The following TXNDC5 variants were observed in gnomAD, a reference collection of about 807,000 sequenced individuals.
The protein encoded by TXNDC5 is thioredoxin domain-containing protein 5.
Under a neutral mutation model 52.6 loss-of-function variants are expected in TXNDC5, and 44 were observed. That is an observed-to-expected ratio of 0.84 (90% CI 0.66 to 1.08). TXNDC5 has a LOEUF of 1.08. TXNDC5 is among the 50% of genes least tolerant of loss of function. The probability of loss-of-function intolerance (pLI) is 0.00; values close to 1 mark genes in which losing one functional copy is unlikely to be tolerated. For missense variants in TXNDC5, 600 were observed against 565.5 expected (o/e 1.06, Z -0.62); for synonymous variants, 241 against 234.4 (o/e 1.03, Z -0.26).
chr6:7,895,336 G>T, intron 3 of TXNDC5, 134 bp from the exon 4 acceptor site: 2 of 743,402 alleles, frequency 2.7e-6, no homozygotes, highest in Non-Finnish European at 4.3e-6. Flanking sequence ...CTTGTACGAT[G>T]CTGCTGTGCT....
At chr6:7,901,554 C>T (rs913685104) in intron 2 of TXNDC5, among the ~76,000 whole-genome samples, 15 of 152,202 alleles carry the variant, frequency 9.9e-5, no homozygotes, top group African/African-American at 3.6e-4. Context: ...GTCTGAGATT[C>T]TTCCTCGGTA....
chr6:7,902,042 G>C (rs114112073), intron 2 of TXNDC5, among the ~76,000 whole-genome samples: 2,441 of 152,252 alleles, frequency 0.016, 56 homozygotes, highest in African/African-American at 0.054. Flanking sequence ...CACACACACA[G>C]AGAGAGAAGG....
chr6:7,895,631 A>G (rs1022742338), intron 3 of TXNDC5, among the ~76,000 whole-genome samples: 3 of 152,240 alleles, frequency 2.0e-5, no homozygotes, highest in African/African-American at 4.8e-5. Flanking sequence ...ACTTGCAGAC[A>G]CCAGAGTGCC....
intron 5 of TXNDC5, among the ~76,000 whole-genome samples, chr6:7,890,125 CTT>C (rs1011092988): frequency 6.6e-6 from 1 of 152,182 alleles, no homozygotes; most frequent in African/African-American, 2.4e-5. Context: ...ATTTTATAAA[CTT>C]AATTTACCAA....
At chr6:7,892,343 C>T (rs1243967072) in intron 4 of TXNDC5, among the ~76,000 whole-genome samples, 1 of 152,246 alleles carries the variant, frequency 6.6e-6, no homozygotes, top group Non-Finnish European at 1.5e-5. Flanking sequence ...ACACAATTAG[C>T]AAAGTCTGGA....
intron 4 of TXNDC5, among the ~76,000 whole-genome samples, chr6:7,892,161 T>C (rs1233032645): frequency 3.9e-5 from 6 of 152,252 alleles, no homozygotes; most frequent in Admixed American, 3.9e-4. Context: ...CTGCCTGTCA[T>C]GGTCGACCAC....
chr6:7,882,764 C>A lies in TXNDC5; in HGVS notation c.*380G>T, dbSNP rs541940577. The A allele has an allele frequency of 7.0e-4, 137 of 196,474 alleles. 1 individual carries two copies. Among genetic ancestry groups the A allele is most frequent in the African/African-American group, 3.0e-3 (129 of 42,916 alleles). 12.2% of individuals were successfully genotyped at this position (196,474 alleles called of 1,614,324 possible). On this transcript the variant is annotated 3_prime_UTR_variant, in exon 10 of 10. Transcript: ENST00000379757. ...AGAACTCGTGGGCAGGTAAACTATG[C>A]TTTGGATGTGCTTTCTTTCACCAAA... is the stretch of plus-strand genomic sequence containing the variant.
In TXNDC5 at chr6:7,882,416, TAA is replaced by T. The variant is rs907795065; in HGVS notation, c.*726_*727del. ...CTGGCTTCGTGTTAACATGAGGAAC[TAA>T]AGACATGTTTCACCCCGTGAGAAAC... On this transcript the variant is annotated 3_prime_UTR_variant, in exon 10 of 10. Transcript: ENST00000379757. The T allele has an allele frequency of 2.6e-5, 4 of 152,228 alleles. No homozygotes were observed. The highest frequency in any genetic ancestry group is 9.7e-5 in the African/African-American group (4 of 41,450). 9.4% of individuals were successfully genotyped at this position (152,228 alleles called of 1,614,324 possible). A position where few individuals can be genotyped will look rare whatever the true frequency, so the allele number is the denominator to read the frequency against.
Position 7,889,530 on chromosome 6 carries a change from A to G in TXNDC5, c.784T>C (p.Tyr262His), listed in dbSNP as rs758167167. 1.2e-6 allele frequency: 2 copies of G among 1,613,796 alleles called. No homozygotes were observed. Among genetic ancestry groups the G allele is most frequent in the Non-Finnish European group, 1.7e-6 (2 of 1,179,670 alleles). ...TCTCGGAACCAGAGAAGAGTGGGAT[A>G]GCCACGAACCTGGTTTCCGGAGCAG... Reference protein sequence around the residue: ...ELCSGNQVRGYPTLLWFRDGK... With the variant: ...ELCSGNQVRGHPTLLWFRDGK... The change falls in exon 6 of 10, where the codon TAT (tyrosine) becomes CAT (histidine). Residue 262 changes from tyrosine (Y) to histidine (H), a missense_variant. Physicochemically the swap from Tyr to His is moderately conservative, Grantham distance 83 (BLOSUM62 2). Transcript: ENST00000379757.
Position 7,882,702 on chromosome 6 carries a change from C to T in TXNDC5, c.*442G>A. 1 of 177,328 alleles carries T rather than the reference C, an allele frequency of 5.6e-6. No individual in the cohort carries two copies. The highest frequency in any genetic ancestry group is 1.4e-4 in the South Asian group (1 of 7,300). 11.0% of individuals were successfully genotyped at this position (177,328 alleles called of 1,614,324 possible). A position where few individuals can be genotyped will look rare whatever the true frequency, so the allele number is the denominator to read the frequency against. ...ATTGAGTCAACTGTGACCTTAAGAT[C>T]AGAGGAACGTCAATACTGCCACAAG... On this transcript the variant is annotated 3_prime_UTR_variant, in exon 10 of 10. Coordinates refer to ENST00000379757, the MANE Select transcript of TXNDC5 (RefSeq NM_030810.5).
In TXNDC5 at chr6:7,910,321, G is replaced by T. The variant is rs1244117480; in HGVS notation, c.263+193C>A. On this transcript the variant is annotated intron_variant, in intron 1 of 9. Transcript: ENST00000379757. ...AGCCCCGAACCCGCAGGGTCCCCGC[G>T]CTCCCGGCCCCGCGCCCCCAGTATT... Among the ~76,000 whole-genome samples the T allele has an allele frequency of 5.4e-5, 8 of 148,508 alleles. No homozygotes were observed. In the East Asian group the frequency reaches 1.4e-3, roughly 26 times the overall value.
chr6:7,904,585 T>A lies in TXNDC5; in HGVS notation c.402A>T (p.Arg134=), dbSNP rs751613004. The A allele has an allele frequency of 6.2e-7, 1 of 1,614,146 alleles. No homozygotes were observed. Among genetic ancestry groups the A allele is most frequent in the South Asian group, 1.1e-5 (1 of 91,088 alleles). Residue 134 remains arginine (R), a synonymous_variant, in exon 2 of 10, where the codon CGA becomes CGT. Transcript: ENST00000379757. The stretch of plus-strand genomic sequence containing the variant: ...TCCTTCCAACTTACGTGGGGTATCC[T>A]CGCACCCCCTGGGCGGAGCACACGT... The part of the protein sequence containing the change: ...HSDVCSAQGV[R]GYPTLKLFKP...
chr6:7,890,757 C>CTAA (rs1760164021), intron 5 of TXNDC5, among the ~76,000 whole-genome samples: 3 of 152,212 alleles, frequency 2.0e-5, no homozygotes, highest in Admixed American at 2.0e-4. Flanking sequence ...CTGCCCCATG[C>CTAA]TAAGCATCAC....
chr6:7,883,053 CACCACTGGGAACCCAGTG>C lies in TXNDC5; in HGVS notation c.*73_*90del, dbSNP rs1759823519. ...TAGTATGTTCTGCTTTCTGAACAGC[CACCACTGGGAACCCAGTG>C]GCCTCTGTGGGACTGAACTCCTAAA... On this transcript the variant is annotated 3_prime_UTR_variant, in exon 10 of 10. Coordinates refer to ENST00000379757, the MANE Select transcript of TXNDC5 (RefSeq NM_030810.5). 1.3e-6 allele frequency: 2 copies of C among 1,556,998 alleles called. No homozygotes were observed. The highest frequency in any genetic ancestry group is 2.3e-5 in the East Asian group (1 of 44,108).
At position 7,889,490 on chromosome 6, in the gene TXNDC5, C is replaced by T. The variant is rs1026012863; in HGVS notation, c.819+5G>A. ...AATTCTCAGTACTAAGAAGTGCAGA[C>T]GTACCTTTTTCCCATCTCGGAACCA... On this transcript the variant is annotated splice_donor_5th_base_variant and intron_variant, in intron 6 of 9. Transcript: ENST00000379757. 9.3e-6 allele frequency: 15 copies of T among 1,612,918 alleles called. No homozygotes were observed. Among genetic ancestry groups the T allele is most frequent in the East Asian group, 2.2e-5 (1 of 44,848 alleles).
chr6:7,881,670 T>C lies in TXNDC5; in HGVS notation c.*1474A>G, dbSNP rs1759745239. The C allele has an allele frequency of 6.6e-6, 1 of 152,172 alleles. No homozygotes were observed. The allele number at this position is 152,172 out of a possible 1,614,324, so 9.4% of individuals were successfully genotyped here. A position where few individuals can be genotyped will look rare whatever the true frequency, so the allele number is the denominator to read the frequency against. ...TGTGCTTCTCTAGGAGGTTGGGTTTTTTTAAAAAAAGAATTATCTGTGAAC... is the reference window on the plus strand; with the variant it reads ...TGTGCTTCTCTAGGAGGTTGGGTTTCTTTAAAAAAAGAATTATCTGTGAAC... On this transcript the variant is annotated 3_prime_UTR_variant, in exon 10 of 10. Transcript: ENST00000379757.
Position 7,899,699 on chromosome 6 carries a change from G to C in TXNDC5, c.414-18C>G, listed in dbSNP as rs760941639. On this transcript the variant is annotated intron_variant, in intron 2 of 9. Coordinates refer to ENST00000379757, the MANE Select transcript of TXNDC5 (RefSeq NM_030810.5). ...GCTTTAAGCTGAAAGAATAACAAAG[G>C]ATTAGACAGAGCAAAAAGAAAGTTG... The C allele has an allele frequency of 1.3e-6, 2 of 1,598,592 alleles. No individual in the cohort carries two copies. The highest frequency in any genetic ancestry group is 1.1e-5 in the South Asian group (1 of 89,402).
chr6:7,885,732 A>C (rs751391297), intron 8 of TXNDC5, among the ~76,000 whole-genome samples: 1 of 152,186 alleles, frequency 6.6e-6, no homozygotes, highest in South Asian at 2.1e-4. Context: ...ATATATAATC[A>C]AAGTTGATAT....
chr6:7,909,576 G>C (rs1402022036), intron 1 of TXNDC5, among the ~76,000 whole-genome samples: 1 of 152,176 alleles, frequency 6.6e-6, no homozygotes, highest in African/African-American at 2.4e-5. Context: ...GGGCTTTTCC[G>C]ATCTCACACA....
Sources: allele counts gnomAD v4.1 joint callset (sites outside exome capture counted in the v4.1 genomes callset), GRCh38; gene constraint gnomAD v4.1.1; transcripts MANE v1.5; gene names NCBI Gene and HGNC (gene_info 2026-07-23, HGNC 2026-07-21).